The following DGKB variants were observed in gnomAD, a reference collection of about 807,000 sequenced individuals.
The protein encoded by DGKB is diacylglycerol kinase beta, also known as 90 kDa diacylglycerol kinase.
Under a neutral mutation model 114.3 loss-of-function variants are expected in DGKB, and 67 were observed. The ratio of observed to expected loss-of-function variants is 0.59; its 90% CI spans 0.48 to 0.72. The LOEUF (loss-of-function observed/expected upper bound fraction) is 0.72, where lower values mean the gene tolerates loss of function less well. Ranked by LOEUF, DGKB falls within the 30% of genes least tolerant of loss-of-function variation. DGKB has a pLI of 0.00. For synonymous variants in DGKB, 398 were observed against 323.1 expected, an observed-to-expected ratio of 1.23 and a Z score of -2.49; for missense variants, 907 against 975.2, an observed-to-expected ratio of 0.93 and a Z score of 0.93.
chr7:14,823,029 T>G (rs1029859345), intron 2 of DGKB, among the ~76,000 whole-genome samples: 1 of 151,864 alleles, frequency 6.6e-6, no homozygotes, highest in African/African-American at 2.4e-5. Context: ...TAAATAGTAC[T>G]TTTAAAAAAA....
chr7:14,510,803 G>T lies in DGKB; in HGVS notation c.1771-32578C>A, dbSNP rs980254587. On this transcript the variant is annotated intron_variant, in intron 20 of 25. Transcript: ENST00000402815. ...AAAATTACTCCTTGATCCATGGCTT[G>T]CAGAATGAATGTTGTGTTAGCAGGC... 4.1e-4 allele frequency among the ~76,000 whole-genome samples: 63 copies of T among 152,096 alleles called. 2 individuals are homozygous for T. Among genetic ancestry groups the T allele is most frequent in the Admixed American group, 2.0e-4 (3 of 15,264 alleles).
intron 21 of DGKB, among the ~76,000 whole-genome samples, chr7:14,402,394 T>G (rs997134856): frequency 6.6e-6 from 1 of 151,810 alleles, no homozygotes; most frequent in Non-Finnish European, 1.5e-5. Flanking sequence ...TTACTAACAT[T>G]GCTTTTGCTT....
At chr7:14,771,182 C>A (rs1432773230) in intron 2 of DGKB, among the ~76,000 whole-genome samples, 1 of 152,030 alleles carries the variant, frequency 6.6e-6, no homozygotes. Context: ...GACTCTCAGA[C>A]CTTAGTTATA....
At chr7:14,693,999 A>C in intron 9 of DGKB, 76 bp downstream of exon 9, 1 of 1,498,366 alleles carries the variant, frequency 6.7e-7, no homozygotes, top group South Asian at 1.3e-5. Flanking sequence ...TGGTCACATC[A>C]ATCTGTAATC....
At chr7:14,552,647 A>T (rs759190251) in intron 20 of DGKB, among the ~76,000 whole-genome samples, 2 of 152,204 alleles carry the variant, frequency 1.3e-5, no homozygotes, top group Non-Finnish European at 2.9e-5. Flanking sequence ...GTTTAAAAAG[A>T]CTTAAAATAA....
chr7:14,255,030 C>T lies in DGKB; in HGVS notation c.2123-76879G>A, dbSNP rs540372557. Among the ~76,000 whole-genome samples, 8 of 151,838 alleles carry T rather than the reference C, an allele frequency of 5.3e-5. No individual in the cohort carries two copies. In the East Asian group the frequency reaches 7.7e-4, roughly 15 times the overall value. ...TCCCACATTCAATTCATTATAGTAA[C>T]GATATAAAAAATTCACAAAATTTTA... On this transcript the variant is annotated intron_variant, in intron 23 of 25. Coordinates refer to ENST00000402815, the MANE Select transcript of DGKB (RefSeq NM_001350709.2).
intron 23 of DGKB, among the ~76,000 whole-genome samples, chr7:14,224,562 T>G (rs1378978041): frequency 6.6e-6 from 1 of 151,926 alleles, no homozygotes; most frequent in East Asian, 1.9e-4. Flanking sequence ...TCTCTTCAGG[T>G]ACCATACTTT....
At chr7:14,546,385 T>C (rs1179825533) in intron 20 of DGKB, among the ~76,000 whole-genome samples, 1 of 152,102 alleles carries the variant, frequency 6.6e-6, no homozygotes, top group Non-Finnish European at 1.5e-5. Flanking sequence ...ATCAACATTA[T>C]CTCTCCTCTT....
At chr7:14,729,863 TTAAA>T (rs1230665289) in intron 5 of DGKB, among the ~76,000 whole-genome samples, 3 of 152,178 alleles carry the variant, frequency 2.0e-5, no homozygotes, top group Admixed American at 6.5e-5. Context: ...TATAATGAGT[TTAAA>T]TAAATAGATA....
At chr7:14,471,246 TAC>T (rs1781293293) in intron 21 of DGKB, among the ~76,000 whole-genome samples, 1 of 134,506 alleles carries the variant, frequency 7.4e-6, no homozygotes, top group African/African-American at 3.1e-5. Flanking sequence ...TATGTATACA[TAC>T]ATATATGTGT....
chr7:14,634,080 T>C (rs1044054609), intron 13 of DGKB, among the ~76,000 whole-genome samples: 7 of 151,544 alleles, frequency 4.6e-5, no homozygotes, highest in Admixed American at 3.3e-4. Flanking sequence ...AAAAGGGTCA[T>C]TAGTTATTTC....
At chr7:14,393,626 C>T (rs1390364297) in intron 21 of DGKB, among the ~76,000 whole-genome samples, 1 of 152,150 alleles carries the variant, frequency 6.6e-6, no homozygotes, top group Non-Finnish European at 1.5e-5. Flanking sequence ...CTCGAAGGAT[C>T]ATGAAATATT....
intron 23 of DGKB, among the ~76,000 whole-genome samples, chr7:14,179,238 C>G (rs1049550297): frequency 6.6e-6 from 1 of 152,202 alleles, no homozygotes; most frequent in African/African-American, 2.4e-5. Flanking sequence ...CCCACACAGT[C>G]CTGTCCCAAG....
intron 15 of DGKB, among the ~76,000 whole-genome samples, 163 bp from the exon 16 acceptor site, chr7:14,613,576 C>T (rs113766883): frequency 1.7e-3 from 137 of 82,640 alleles, no homozygotes; most frequent in African/African-American, 4.3e-3. Context: ...CGTGTGTGTG[C>T]GTGTGTATGT....
chr7:14,953,824 C>A (rs937520148), intron 1 of DGKB, among the ~76,000 whole-genome samples: 1 of 152,048 alleles, frequency 6.6e-6, no homozygotes, highest in African/African-American at 2.4e-5. Context: ...AAATCCTCCC[C>A]CAGTTGACTC....
chr7:14,257,610 T>C (rs1215881296), intron 23 of DGKB, among the ~76,000 whole-genome samples: 2 of 152,284 alleles, frequency 1.3e-5, no homozygotes, highest in Admixed American at 6.5e-5. Flanking sequence ...CTGGGCTTTT[T>C]CCCCTTTGCT....
intron 20 of DGKB, among the ~76,000 whole-genome samples, chr7:14,548,295 T>G (rs1045595104): frequency 6.6e-6 from 1 of 152,144 alleles, no homozygotes; most frequent in African/African-American, 2.4e-5. Flanking sequence ...TAGGGGAAAA[T>G]AGACCAACAG....
chr7:14,580,960 T>TAA lies in DGKB; in HGVS notation c.1520-11_1520-10dup. On this transcript the variant is annotated splice_polypyrimidine_tract_variant and intron_variant, in intron 18 of 25. Transcript: ENST00000402815. ...GCCTACATTGGCCTTTTCTGCAGAA[T>TAA]AAAAAAAAATACAAATAAAGAAAAT... 1.3e-6 allele frequency: 2 copies of TAA among 1,534,068 alleles called. No homozygotes were observed. The highest frequency in any genetic ancestry group is 1.8e-6 in the Non-Finnish European group (2 of 1,131,900).
intron 20 of DGKB, among the ~76,000 whole-genome samples, chr7:14,503,374 C>T (rs867854447): frequency 5.3e-5 from 8 of 149,768 alleles, no homozygotes; most frequent in Middle Eastern, 3.5e-3. Flanking sequence ...AGGAGATGGT[C>T]ATTTGAACAG....
Sources: gnomAD v4.1 joint callset for allele counts (sites outside exome capture counted in the v4.1 genomes callset) on GRCh38, gnomAD v4.1.1 for gene constraint, MANE v1.5 for transcripts, NCBI Gene and HGNC (gene_info 2026-07-23, HGNC 2026-07-21) for gene names.